The following PRKN variants were observed in gnomAD, a reference collection of about 807,000 sequenced individuals.
The protein encoded by PRKN is E3 ubiquitin-protein ligase parkin.
In PRKN, 56 loss-of-function variants were observed where a neutral mutation model predicts 59.5. The ratio of observed to expected loss-of-function variants is 0.94; its 90% confidence interval spans 0.76 to 1.18. The LOEUF (loss-of-function observed/expected upper bound fraction) is 1.18. Among genes scored for constraint, PRKN ranks in the 50% most tolerant of loss-of-function variants. The pLI, the probability that PRKN is intolerant of heterozygous loss-of-function variation, is 0.00. For synonymous variants in PRKN, 250 were observed against 222.1 expected (o/e 1.13, Z -1.12); for missense variants, 657 against 596.4 (o/e 1.10, Z -1.06).
At chr6:162,022,951 AG>A (rs1783267301) in intron 5 of PRKN, among the ~76,000 whole-genome samples, 1 of 152,104 alleles carries the variant, frequency 6.6e-6, no homozygotes, top group South Asian at 2.1e-4. Context: ...AACTTACCAA[AG>A]GTCAGTTGCT....
intron 2 of PRKN, among the ~76,000 whole-genome samples, chr6:162,342,242 C>T (rs763612409): frequency 1.3e-5 from 2 of 152,124 alleles, no homozygotes; most frequent in African/African-American, 2.4e-5. Flanking sequence ...TATTTAAGCA[C>T]ATCTGATTAT....
chr6:162,365,881 T>C (rs1158457561), intron 2 of PRKN, among the ~76,000 whole-genome samples: 1 of 152,236 alleles, frequency 6.6e-6, no homozygotes, highest in African/African-American at 2.4e-5. Flanking sequence ...ATTAGAACAA[T>C]GTCTGCCACA....
chr6:161,979,106 A>C (rs1781163794), intron 5 of PRKN, among the ~76,000 whole-genome samples: 1 of 152,154 alleles, frequency 6.6e-6, no homozygotes, highest in Non-Finnish European at 1.5e-5. Flanking sequence ...ACTTCTGGGA[A>C]ACCTTAATTA....
chr6:162,595,367 T>C (rs1214707975), intron 1 of PRKN, among the ~76,000 whole-genome samples: 1 of 151,334 alleles, frequency 6.6e-6, no homozygotes, highest in Non-Finnish European at 1.5e-5. Context: ...GCAATCCTCC[T>C]GCCTCAGCCT....
chr6:161,663,438 G>T (rs1277545954), intron 7 of PRKN, among the ~76,000 whole-genome samples: 1 of 152,074 alleles, frequency 6.6e-6, no homozygotes, highest in African/African-American at 2.4e-5. Context: ...TTTTAGGAAG[G>T]TAATACAGAG....
At chr6:162,471,033 T>A (rs925905814) in intron 1 of PRKN, among the ~76,000 whole-genome samples, 1 of 151,512 alleles carries the variant, frequency 6.6e-6, no homozygotes, top group African/African-American at 2.4e-5. Context: ...AGTGCTGGGA[T>A]TACAGGCATG....
intron 6 of PRKN, among the ~76,000 whole-genome samples, chr6:161,796,989 C>T (rs942669963): frequency 1.3e-5 from 2 of 152,220 alleles, no homozygotes; most frequent in Non-Finnish European, 1.5e-5. Flanking sequence ...AAGAACCCCA[C>T]TGTGAAATAA....
chr6:161,744,441 G>T (rs1237387150), intron 7 of PRKN, among the ~76,000 whole-genome samples: 2 of 152,146 alleles, frequency 1.3e-5, no homozygotes, highest in Non-Finnish European at 1.5e-5. Context: ...CTGAATGCTT[G>T]CTATGGGAGA....
At chr6:162,605,597 C>G (rs976795075) in intron 1 of PRKN, among the ~76,000 whole-genome samples, 1 of 151,966 alleles carries the variant, frequency 6.6e-6, no homozygotes, top group Non-Finnish European at 1.5e-5. Context: ...ATTAAGAAAC[C>G]AATTACCACA....
In PRKN at chr6:162,294,776, G is replaced by T. The variant is rs931388622; in HGVS notation, c.172-32011C>A. Among the ~76,000 whole-genome samples, 5 of 151,982 alleles carry T rather than the reference G, an allele frequency of 3.3e-5. No individual in the cohort carries two copies. In the East Asian group the frequency reaches 9.6e-4, roughly 29 times the overall value. On this transcript the variant is annotated intron_variant, in intron 2 of 11. Transcript: ENST00000366898. ...AATACAATACAATAAAAACATAAAA[G>T]AAAAGAATAGAAAAAAGAGTAAGAA...
intron 1 of PRKN, among the ~76,000 whole-genome samples, chr6:162,612,477 T>C (rs1251231593): frequency 6.6e-6 from 1 of 150,614 alleles, no homozygotes; most frequent in East Asian, 2.0e-4. Context: ...GAACCAGATT[T>C]CTCTCGACAA....
chr6:161,854,362 T>G (rs905060660), intron 6 of PRKN, among the ~76,000 whole-genome samples: 1 of 150,780 alleles, frequency 6.6e-6, no homozygotes, highest in Non-Finnish European at 1.5e-5. Context: ...TAACTGAAAA[T>G]TCGAAATGCA....
At chr6:162,656,907 G>C (rs1425256491) in intron 1 of PRKN, among the ~76,000 whole-genome samples, 1 of 152,240 alleles carries the variant, frequency 6.6e-6, no homozygotes, top group Admixed American at 6.5e-5. Flanking sequence ...CTAGCACAAA[G>C]CCTTAGTTAG....
intron 7 of PRKN, among the ~76,000 whole-genome samples, chr6:161,662,501 A>T (rs942770885): frequency 4.6e-5 from 7 of 152,062 alleles, no homozygotes; most frequent in Admixed American, 1.3e-4. Flanking sequence ...GCCTCCAGGG[A>T]GTTAAATCCT....
chr6:162,384,415 C>T (rs1786671036), intron 2 of PRKN, among the ~76,000 whole-genome samples: 1 of 152,058 alleles, frequency 6.6e-6, no homozygotes, highest in Non-Finnish European at 1.5e-5. Context: ...GTCAGTGGAG[C>T]AGTCAGAAGA....
chr6:161,678,409 GA>G (rs1785171963), intron 7 of PRKN, among the ~76,000 whole-genome samples: 1 of 151,274 alleles, frequency 6.6e-6, no homozygotes, highest in East Asian at 1.9e-4. Flanking sequence ...ATGTAAACAT[GA>G]AATAAGATAA....
intron 1 of PRKN, among the ~76,000 whole-genome samples, chr6:162,573,632 T>C (rs1208117493): frequency 1.3e-5 from 2 of 152,230 alleles, no homozygotes; most frequent in African/African-American, 4.8e-5. Context: ...GGTTTCTACA[T>C]TTTAATAATG....
intron 9 of PRKN, among the ~76,000 whole-genome samples, chr6:161,418,333 A>AT (rs1787947074): frequency 1.3e-5 from 2 of 152,098 alleles, no homozygotes; most frequent in Non-Finnish European, 2.9e-5. Flanking sequence ...TGACAAGCTT[A>AT]TTTTTGTGGT....
rs534945889 is a variant in PRKN at position 162,552,677 on chromosome 6, C to T, written c.8-109204G>A. 8.6e-5 allele frequency among the ~76,000 whole-genome samples: 13 copies of T among 151,966 alleles called. No individual in the cohort carries two copies. The South Asian group carries it at 1.3e-3, about 15-fold the overall frequency. On this transcript the variant is annotated intron_variant, in intron 1 of 11. Transcript: ENST00000366898. ...AGGTAAGTAATTTGGATAAATGAGA[C>T]GGGAGTGCTGAGAGGAGAGCTGAGC...
Sources: allele counts gnomAD v4.1 joint callset (sites outside exome capture counted in the v4.1 genomes callset), GRCh38; gene constraint gnomAD v4.1.1; transcripts MANE v1.5; gene names NCBI Gene and HGNC (gene_info 2026-07-23, HGNC 2026-07-21).